DMBT1: variants seen among roughly 807,000 people sequenced by gnomAD.
DMBT1 encodes deleted in malignant brain tumors 1.
A neutral mutation model predicts 252.9 loss-of-function variants in DMBT1; 198 were observed. The ratio of observed to expected loss-of-function variants is 0.78; its 90% CI spans 0.70 to 0.88. The LOEUF (loss-of-function observed/expected upper bound fraction) is 0.88. DMBT1 is among the 40% of genes least tolerant of loss of function. DMBT1 has a pLI of 0.00. For synonymous variants in DMBT1, 990 were observed against 942.7 expected (o/e 1.05, Z -0.92); for missense variants, 2,432 against 2,404.7 (o/e 1.01, Z -0.24).
intron 16 of DMBT1, among the ~76,000 whole-genome samples, chr10:122,588,216 G>GT (rs1272591679): frequency 6.1e-5 from 9 of 148,028 alleles, no homozygotes; most frequent in African/African-American, 1.2e-4. Context: ...CTGGACAAAT[G>GT]TTTTTTTCTG....
chr10:122,565,035 T>TAA (rs58208187), intron 1 of DMBT1, among the ~76,000 whole-genome samples: 1 of 151,742 alleles, frequency 6.6e-6, no homozygotes, highest in Admixed American at 6.6e-5. Context: ...TCTCCAATCT[T>TAA]AAAAAAAATC....
chr10:122,618,361 G>A (rs1405468748), intron 41 of DMBT1, 21 bp downstream of exon 41: 8 of 1,613,682 alleles, frequency 5.0e-6, no homozygotes, highest in African/African-American at 1.3e-5. Context: ...AAGACCTTGG[G>A]CTCCCTCTCT....
At chr10:122,572,726 T>G (rs1284724652) in intron 5 of DMBT1, among the ~76,000 whole-genome samples, 2 of 152,160 alleles carry the variant, frequency 1.3e-5, no homozygotes, top group Non-Finnish European at 2.9e-5. Context: ...CCTCAGAGCC[T>G]GCTGATGCAA....
chr10:122,627,331 C>G (rs1442624063), intron 46 of DMBT1, among the ~76,000 whole-genome samples: 1 of 152,034 alleles, frequency 6.6e-6, no homozygotes, highest in Non-Finnish European at 1.5e-5. Flanking sequence ...GGCATACATT[C>G]CATACACTGT....
At chr10:122,568,268 G>A (rs551326720) in intron 2 of DMBT1, among the ~76,000 whole-genome samples, 23 of 152,256 alleles carry the variant, frequency 1.5e-4, no homozygotes, top group Admixed American at 1.2e-3. Context: ...TTGGGATGAT[G>A]TGGGGGGTAG....
At chr10:122,628,815 AATGGAG>A (rs1475071788) in intron 46 of DMBT1, among the ~76,000 whole-genome samples, 3 of 152,158 alleles carry the variant, frequency 2.0e-5, no homozygotes, top group Non-Finnish European at 4.4e-5. Context: ...GGGTGCCAGG[AATGGAG>A]GGTGTTGAGA....
chr10:122,631,967 C>G, intron 50 of DMBT1, 92 bp downstream of exon 50: 1 of 1,416,932 alleles, frequency 7.1e-7, no homozygotes, highest in Non-Finnish European at 1.0e-6. Flanking sequence ...GCTCACTCTC[C>G]AAGGAGTTCA....
At chr10:122,590,390 G>T (rs1354666529) in intron 17 of DMBT1, among the ~76,000 whole-genome samples, 4 of 148,818 alleles carry the variant, frequency 2.7e-5, no homozygotes, top group Non-Finnish European at 4.5e-5. Flanking sequence ...CTCAGGGACT[G>T]CTAAGACGTG....
chr10:122,579,991 G>T, intron 10 of DMBT1, 90 bp downstream of exon 10: 1 of 1,587,658 alleles, frequency 6.3e-7, no homozygotes, highest in Admixed American at 1.8e-5. Context: ...CTCACTCAAA[G>T]CTTCTATGTT....
intron 41 of DMBT1, among the ~76,000 whole-genome samples, chr10:122,618,772 A>C (rs148967868): frequency 2.0e-5 from 3 of 152,214 alleles, no homozygotes; most frequent in African/African-American, 7.2e-5. Flanking sequence ...AGACCCAGTG[A>C]GGAGGTCTGG....
At chr10:122,623,566 G>A (rs1338233042) in intron 44 of DMBT1, among the ~76,000 whole-genome samples, 2 of 152,212 alleles carry the variant, frequency 1.3e-5, no homozygotes, top group Non-Finnish European at 2.9e-5. Context: ...ACCAACACTT[G>A]TTATGATGTC....
chr10:122,643,317 C>T lies in DMBT1; in HGVS notation c.7548C>T (p.Gly2516=), dbSNP rs759702293. Reference sequence around the variant, plus strand: ...TGTTGAGGTCGAAGAGGGATGTGGGCTCCTACCAGGAAAAGGTGGACGTCG... The same window carrying T: ...TGTTGAGGTCGAAGAGGGATGTGGGTTCCTACCAGGAAAAGGTGGACGTCG... ...GCVLRSKRDV[G]SYQEKVDVVL... The change falls in exon 56 of 56, where the codon GGC becomes GGT. Residue 2516 remains glycine (G), a synonymous_variant. Transcript: ENST00000338354. 3.8e-5 allele frequency: 62 copies of T among 1,613,816 alleles called. No individual in the cohort carries two copies. The highest frequency in any genetic ancestry group is 5.0e-5 in the Admixed American group (3 of 59,996).
Position 122,578,740 on chromosome 10 carries a change from A to G in DMBT1, c.660A>G (p.Ser220=). The G allele has an allele frequency of 6.2e-7, 1 of 1,608,910 alleles. No individual in the cohort carries two copies. The highest frequency in any genetic ancestry group is 1.1e-5 in the South Asian group (1 of 89,620). ...CAGAAAGTTGGCCTGTCAGGATATC[A>G]CCACCTGTACCCACAGAAGGTAAAG... The part of the protein sequence containing the change: ...LRPESWPVRI[S]PPVPTEGSES... The change falls in exon 9 of 56, where the codon TCA becomes TCG. Residue 220 remains serine, a synonymous_variant. Transcript: ENST00000338354.
intron 2 of DMBT1, among the ~76,000 whole-genome samples, chr10:122,569,724 C>T (rs562818833): frequency 2.0e-4 from 31 of 152,210 alleles, no homozygotes; most frequent in African/African-American, 5.8e-4. Context: ...TGATTTATTT[C>T]GGCATTCTGA....
chr10:122,578,782 C>A, intron 9 of DMBT1, 23 bp downstream of exon 9: 1 of 1,595,532 alleles, frequency 6.3e-7, no homozygotes, highest in South Asian at 1.1e-5. Context: ...CTCAACACTC[C>A]CTGGGGCTCA....
chr10:122,630,819 A>T, intron 48 of DMBT1, 142 bp from the exon 49 acceptor site: 1 of 907,264 alleles, frequency 1.1e-6, no homozygotes, highest in South Asian at 1.8e-5. Flanking sequence ...GCGGTCCAGT[A>T]CCTCCACCCC....
intron 26 of DMBT1, among the ~76,000 whole-genome samples, chr10:122,599,650 C>T (rs746391729): frequency 2.0e-5 from 3 of 152,186 alleles, no homozygotes; most frequent in Admixed American, 6.5e-5. Flanking sequence ...ATTGCCTGTG[C>T]CCCAGGTCTG....
chr10:122,592,186 A>G, intron 19 of DMBT1, 86 bp from the exon 20 acceptor site: 1 of 1,540,044 alleles, frequency 6.5e-7, no homozygotes, highest in Non-Finnish European at 8.8e-7. Context: ...GACCTTGGCC[A>G]TTAGGAAGTA....
Position 122,631,297 on chromosome 10 carries a change from A to T in DMBT1, c.6346+16A>T, listed in dbSNP as rs2098163163. 1 of 1,607,314 alleles carries T rather than the reference A, an allele frequency of 6.2e-7. No individual in the cohort carries two copies. The highest frequency in any genetic ancestry group is 8.5e-7 in the Non-Finnish European group (1 of 1,174,536). On this transcript the variant is annotated intron_variant, in intron 49 of 55. Transcript: ENST00000338354. Reference sequence around the variant, plus strand: ...ATCTGCTCAGGTATGGCCCAATGCCATGGAAGGCCCATTTCACCTGTAACT... The same window carrying T: ...ATCTGCTCAGGTATGGCCCAATGCCTTGGAAGGCCCATTTCACCTGTAACT...
Sources: allele counts gnomAD v4.1 joint callset (sites outside exome capture counted in the v4.1 genomes callset), GRCh38; gene constraint gnomAD v4.1.1; transcripts MANE v1.5; gene names NCBI Gene and HGNC (gene_info 2026-07-23, HGNC 2026-07-21).